Variants in CXCL13 observed in about 807,000 individuals in gnomAD.
The protein encoded by CXCL13 is C-X-C motif chemokine 13.
A neutral mutation model predicts 12.2 loss-of-function variants in CXCL13; 7 were observed. The ratio of observed to expected loss-of-function variants is 0.57; its 90% CI spans 0.33 to 1.07. The LOEUF is 1.07. Among genes scored for constraint, CXCL13 ranks in the 50% least tolerant of loss-of-function variants. The probability of loss-of-function intolerance (pLI) is 0.04; values close to 1 mark genes in which losing one functional copy is unlikely to be tolerated. For missense variants in CXCL13, 113 were observed against 127.4 expected (o/e 0.89, Z 0.55); for synonymous variants, 47 against 42.4 (o/e 1.11, Z -0.42).
At chr4:77,533,467 G>T (rs1724981459) in intron 1 of CXCL13, among the ~76,000 whole-genome samples, 1 of 152,188 alleles carries the variant, frequency 6.6e-6, no homozygotes, top group Non-Finnish European at 1.5e-5. Flanking sequence ...TCCCAGTTAG[G>T]CTACTCAGGG....
At chr4:77,534,207 A>G (rs1350435861) in intron 1 of CXCL13, among the ~76,000 whole-genome samples, 1 of 152,164 alleles carries the variant, frequency 6.6e-6, no homozygotes, top group African/African-American at 2.4e-5. Context: ...CAAAAACAAA[A>G]GACATGCAAC....
chr4:77,581,556 A>G (rs1448594932), intron 1 of CXCL13, among the ~76,000 whole-genome samples: 1 of 152,084 alleles, frequency 6.6e-6, no homozygotes, highest in African/African-American at 2.4e-5. Context: ...ACCTCTTGCT[A>G]AGATTTGACT....
intron 2 of CXCL13, 142 bp downstream of exon 2, chr4:77,607,977 T>G (rs1727032720): frequency 1.2e-6 from 1 of 860,950 alleles, no homozygotes; most frequent in East Asian, 2.7e-5. Flanking sequence ...TAATGAAAAT[T>G]GTTAATAATT....
chr4:77,598,419 G>C (rs1361293649), intron 1 of CXCL13, among the ~76,000 whole-genome samples: 2 of 152,164 alleles, frequency 1.3e-5, no homozygotes, highest in Non-Finnish European at 2.9e-5. Flanking sequence ...TCAGAGCCTG[G>C]AAGAGGGAAG....
intron 1 of CXCL13, among the ~76,000 whole-genome samples, chr4:77,538,681 C>T (rs962425056): frequency 2.0e-5 from 3 of 152,050 alleles, no homozygotes; most frequent in Non-Finnish European, 4.4e-5. Flanking sequence ...ACCTGGATAC[C>T]CAAGGAGAGC....
At chr4:77,565,547 A>G (rs1413658375) in intron 1 of CXCL13, among the ~76,000 whole-genome samples, 3 of 152,190 alleles carry the variant, frequency 2.0e-5, no homozygotes, top group East Asian at 3.9e-4. Context: ...TGCAGGGTCA[A>G]TTCAGACGCC....
rs116158447 is a variant in CXCL13 at position 77,552,857 on chromosome 4, C to T, written c.-43+41069C>T. 5.1e-3 allele frequency among the ~76,000 whole-genome samples: 772 copies of T among 152,300 alleles called. 6 individuals carry two copies. Among genetic ancestry groups the T allele is most frequent in the Middle Eastern group, 0.02 (6 of 294 alleles). ...GAGGGTCCCACTGCACCATAATCTA[C>T]GTACAGGAAGCATGAGGTGGCTGAG... On this transcript the variant is annotated intron_variant, in intron 1 of 4. Transcript: ENST00000286758.
intron 1 of CXCL13, among the ~76,000 whole-genome samples, chr4:77,572,729 A>T (rs1202848146): frequency 6.6e-6 from 1 of 151,984 alleles, no homozygotes; most frequent in African/African-American, 2.4e-5. Flanking sequence ...CAATTTCATT[A>T]CTATGTGTAT....
intron 1 of CXCL13, among the ~76,000 whole-genome samples, chr4:77,563,192 T>C (rs1192023841): frequency 6.6e-6 from 1 of 152,026 alleles, no homozygotes; most frequent in African/African-American, 2.4e-5. Context: ...CTTTAAGAAC[T>C]GTAACGCTCA....
chr4:77,548,750 C>T (rs1197191448), intron 1 of CXCL13, among the ~76,000 whole-genome samples: 1 of 152,214 alleles, frequency 6.6e-6, no homozygotes, highest in Middle Eastern at 3.2e-3. Flanking sequence ...CGACCTTTCT[C>T]TCTGGCTGCC....
chr4:77,585,743 G>T (rs970550156), intron 1 of CXCL13, among the ~76,000 whole-genome samples: 2 of 152,164 alleles, frequency 1.3e-5, no homozygotes, highest in Admixed American at 6.5e-5. Context: ...AAAACACCTG[G>T]TTATCTATGC....
chr4:77,609,199 A>G (rs1727087962), intron 2 of CXCL13, among the ~76,000 whole-genome samples: 1 of 152,098 alleles, frequency 6.6e-6, no homozygotes, highest in Non-Finnish European at 1.5e-5. Context: ...TCTAAGATTT[A>G]CGTGCAAAAG....
intron 1 of CXCL13, among the ~76,000 whole-genome samples, chr4:77,527,831 A>T (rs1035652213): frequency 8.6e-5 from 13 of 151,854 alleles, no homozygotes; most frequent in African/African-American, 3.1e-4. Flanking sequence ...CATAACGTGC[A>T]GGTTAGTTAC....
intron 1 of CXCL13, among the ~76,000 whole-genome samples, chr4:77,578,258 A>G (rs184120478): frequency 2.0e-4 from 30 of 152,284 alleles, no homozygotes; most frequent in Admixed American, 1.8e-3. Flanking sequence ...TAGACTATCA[A>G]ACTCCAAACA....
intron 1 of CXCL13, among the ~76,000 whole-genome samples, chr4:77,575,065 A>C (rs919596683): frequency 6.6e-6 from 1 of 151,994 alleles, no homozygotes; most frequent in Non-Finnish European, 1.5e-5. Flanking sequence ...CTGTGTGTGA[A>C]CATATTAACT....
chr4:77,610,855 C>A, intron 3 of CXCL13, 133 bp from the exon 4 acceptor site: 2 of 906,466 alleles, frequency 2.2e-6, no homozygotes, highest in South Asian at 1.5e-5. Flanking sequence ...AGGGGTAGCT[C>A]ATTCCAGCAG....
intron 1 of CXCL13, among the ~76,000 whole-genome samples, chr4:77,562,064 G>A (rs1379124893): frequency 1.3e-5 from 2 of 152,172 alleles, no homozygotes; most frequent in Non-Finnish European, 1.5e-5. Flanking sequence ...GGCCCACCAG[G>A]GCTGCGCTCG....
At chr4:77,522,098 T>A (rs1340683267) in intron 1 of CXCL13, among the ~76,000 whole-genome samples, 1 of 152,220 alleles carries the variant, frequency 6.6e-6, no homozygotes, top group Non-Finnish European at 1.5e-5. Context: ...TTTCTGTTCT[T>A]TCACATTTGC....
intron 1 of CXCL13, among the ~76,000 whole-genome samples, chr4:77,588,361 G>T (rs937961247): frequency 6.6e-6 from 1 of 152,082 alleles, no homozygotes; most frequent in African/African-American, 2.4e-5. Context: ...GTTGGGGTAG[G>T]CGGGGAAGTT....
Sources: allele counts gnomAD v4.1 joint callset (sites outside exome capture counted in the v4.1 genomes callset), GRCh38; gene constraint gnomAD v4.1.1; transcripts MANE v1.5; gene names NCBI Gene and HGNC (gene_info 2026-07-23, HGNC 2026-07-21).